NOTCH2: variants seen among roughly 807,000 people sequenced by gnomAD.
NOTCH2 encodes notch receptor 2, also known as neurogenic locus notch homolog protein 2.
NOTCH2 carries 29 observed loss-of-function variants against 235.8 expected under a neutral mutation model. The observed-to-expected ratio is 0.12, with a 90% confidence interval of 0.09 to 0.17. The LOEUF is 0.17. Among genes scored for constraint, NOTCH2 ranks in the 10% least tolerant of loss-of-function variants. NOTCH2 has a pLI of 1.00. For missense variants in NOTCH2, 2,285 were observed against 3,150.2 expected (o/e 0.73, Z 6.57); for synonymous variants, 1,086 against 1,141.5 (o/e 0.95, Z 0.98).
chr1:119,922,607 C>G (rs377465654), intron 27 of NOTCH2, 29 bp downstream of exon 27: 3 of 1,613,610 alleles, frequency 1.9e-6, no homozygotes, highest in Admixed American at 1.7e-5. Context: ...TCCCCCGCCA[C>G]CTTTCCCCTT....
chr1:119,981,016 CT>C (rs1651792715), intron 5 of NOTCH2, among the ~76,000 whole-genome samples: 2 of 152,144 alleles, frequency 1.3e-5, no homozygotes, highest in African/African-American at 4.8e-5. Flanking sequence ...GTTCTTATCA[CT>C]CCATCCAATT....
rs1553200154 is a variant in NOTCH2, at chr1:119,969,752, G to A, written c.875-8C>T. 1.9e-6 allele frequency: 3 copies of A among 1,613,108 alleles called. No individual in the cohort carries two copies. Among genetic ancestry groups the A allele is most frequent in the Non-Finnish European group, 2.5e-6 (3 of 1,179,200 alleles). ...CCTCTGTGCAGAACTGTCCTTTTAG[G>A]GGGAAATTACTTTTGATTAGGGCTC... On this transcript the variant is annotated splice_polypyrimidine_tract_variant and splice_region_variant and intron_variant, in intron 5 of 33. Coordinates refer to ENST00000256646, the MANE Select transcript of NOTCH2 (RefSeq NM_024408.4).
At chr1:119,934,282 A>G (rs1449730151) in intron 22 of NOTCH2, among the ~76,000 whole-genome samples, 1 of 152,216 alleles carries the variant, frequency 6.6e-6, no homozygotes, top group Non-Finnish European at 1.5e-5. Flanking sequence ...TGCTTCCTGT[A>G]CAGCCTATAG....
chr1:119,983,890 T>C (rs1368219846), intron 5 of NOTCH2, among the ~76,000 whole-genome samples: 2 of 152,210 alleles, frequency 1.3e-5, no homozygotes, highest in Non-Finnish European at 2.9e-5. Context: ...TTAATGCCTA[T>C]CTTTTTTCAG....
intron 5 of NOTCH2, among the ~76,000 whole-genome samples, chr1:119,981,901 T>C (rs1237745766): frequency 3.3e-5 from 5 of 151,594 alleles, no homozygotes; most frequent in African/African-American, 1.2e-4. Context: ...TATAATTAAG[T>C]AGTATTCTCT....
chr1:119,962,917 C>A lies in NOTCH2; in HGVS notation c.1915+657G>T, dbSNP rs149519875. Among the ~76,000 whole-genome samples, 167 of 152,294 alleles carry A rather than the reference C, an allele frequency of 1.1e-3. 3 individuals carry two copies. In the East Asian group the frequency reaches 0.028, roughly 25 times the overall value. ...AATTCCACATCCCCCCAGAAAGGAG[C>A]AGCATGTCCTCACGACCAACAAGGA... On this transcript the variant is annotated intron_variant, in intron 11 of 33. Transcript: ENST00000256646.
At chr1:120,035,181 GC>G (rs1654260985) in intron 1 of NOTCH2, among the ~76,000 whole-genome samples, 1 of 150,490 alleles carries the variant, frequency 6.6e-6, no homozygotes, top group Non-Finnish European at 1.5e-5. Context: ...TATTCTAACC[GC>G]ATCTAACCTT....
rs2101161876 is a variant in NOTCH2, at chr1:119,925,418, G to A, written c.4398C>T (p.Cys1466=). 3.7e-6 allele frequency: 6 copies of A among 1,614,190 alleles called. No homozygotes were observed. In the South Asian group the frequency reaches 5.5e-5, roughly 15 times the overall value. ...AATCCCAGCAGGGAAGTGGGGAGGA[G>A]CAGTTGGCCCAGGGGTTCTCCATGG... The part of the protein sequence containing the change: ...SLTMENPWAN[C]SSPLPCWDYI... Residue 1466 remains cysteine (C), a synonymous_variant, in exon 25 of 34, where the codon TGC becomes TGT. Coordinates refer to ENST00000256646, the MANE Select transcript of NOTCH2 (RefSeq NM_024408.4).
chr1:119,987,392 A>G (rs1451103816), intron 4 of NOTCH2, among the ~76,000 whole-genome samples: 1 of 152,208 alleles, frequency 6.6e-6, no homozygotes, highest in Non-Finnish European at 1.5e-5. Flanking sequence ...GAGATATTCA[A>G]GGGTTCTAAA....
At chr1:120,014,063 T>A (rs1653320477) in intron 2 of NOTCH2, among the ~76,000 whole-genome samples, 1 of 149,728 alleles carries the variant, frequency 6.7e-6, no homozygotes, top group East Asian at 1.9e-4. Context: ...TGTAGGGAGT[T>A]TATTAATTAT....
intron 6 of NOTCH2, among the ~76,000 whole-genome samples, chr1:119,968,842 A>G (rs1250269701): frequency 6.6e-6 from 1 of 152,222 alleles, no homozygotes; most frequent in Non-Finnish European, 1.5e-5. Flanking sequence ...AATTAACTTA[A>G]GAAGAGGTAA....
At position 119,937,325 on chromosome 1, in the gene NOTCH2, T is replaced by G; in HGVS notation, c.3479A>C (p.His1160Pro). ...AATGAAGTCACTGCATGTTGCCCCG[T>G]GCTGGCAGGGGTTGGACGCACACTC... ...LDECASNPCQ[H>P]GATCSDFIGG... The change falls in exon 21 of 34, where the codon CAC becomes CCC. Residue 1160 changes from histidine to proline, a missense_variant. Transcript: ENST00000256646. 6.2e-7 allele frequency: 1 copy of G among 1,614,020 alleles called. No individual in the cohort carries two copies. The highest frequency in any genetic ancestry group is 8.5e-7 in the Non-Finnish European group (1 of 1,180,032).
chr1:119,975,474 C>T (rs1345867455), intron 5 of NOTCH2, among the ~76,000 whole-genome samples: 6 of 151,952 alleles, frequency 3.9e-5, no homozygotes, highest in African/African-American at 9.7e-5. Flanking sequence ...GGTGAAACCC[C>T]GTCTTTACTA....
rs782129871 is a variant in NOTCH2 at position 119,966,388 on chromosome 1, G to A, written c.1555C>T (p.Leu519=). The A allele has an allele frequency of 1.2e-6, 2 of 1,613,030 alleles. No individual in the cohort carries two copies. The highest frequency in any genetic ancestry group is 1.7e-6 in the Non-Finnish European group (2 of 1,179,060). The part of the protein sequence containing the change: ...CVDKVNRFQC[L]CPPGFTGPVC... ...CGTGGGCACTTACCAGGAGGACACA[G>A]GCACTGGAAACGATTGACTTTATCC... The change falls in exon 9 of 34, where the codon CTG becomes TTG. Residue 519 remains leucine (L), a synonymous_variant. Coordinates refer to ENST00000256646, the MANE Select transcript of NOTCH2 (RefSeq NM_024408.4).
intron 2 of NOTCH2, among the ~76,000 whole-genome samples, chr1:120,006,904 G>A (rs1652999307): frequency 6.6e-6 from 1 of 152,170 alleles, no homozygotes; most frequent in Admixed American, 6.5e-5. Context: ...GCTAGCAGGG[G>A]TCACAGTTAC....
Position 119,987,095 on chromosome 1 carries a change from GAACAA to G in NOTCH2, c.752-18_752-14del. The G allele has an allele frequency of 2.5e-6, 4 of 1,612,376 alleles. No homozygotes were observed. Among genetic ancestry groups the G allele is most frequent in the Non-Finnish European group, 3.4e-6 (4 of 1,179,074 alleles). On this transcript the variant is annotated splice_polypyrimidine_tract_variant and intron_variant, in intron 4 of 33. Coordinates refer to ENST00000256646, the MANE Select transcript of NOTCH2 (RefSeq NM_024408.4). ...CTCCCTTCAAAACCTGGTAAATGAA[GAACAA>G]ATGAAAATGATGAAATCTCATACAG...
At chr1:119,948,076 C>G (rs1029520898) in intron 17 of NOTCH2, among the ~76,000 whole-genome samples, 6 of 152,146 alleles carry the variant, frequency 3.9e-5, no homozygotes, top group Non-Finnish European at 1.5e-5. Context: ...TACTATATGT[C>G]AAAATGTGCC....
At chr1:120,065,688 C>T (rs1240846845) in intron 1 of NOTCH2, among the ~76,000 whole-genome samples, 1 of 151,994 alleles carries the variant, frequency 6.6e-6, no homozygotes, top group African/African-American at 2.4e-5. Context: ...GTTCAGTGAT[C>T]TGTCCAAAAT....
chr1:119,962,942 A>T (rs974254156), intron 11 of NOTCH2, among the ~76,000 whole-genome samples: 1 of 152,208 alleles, frequency 6.6e-6, no homozygotes, highest in Non-Finnish European at 1.5e-5. Flanking sequence ...ACCAACAAGG[A>T]GTCATTCAAC....
Sources: allele counts gnomAD v4.1 joint callset (sites outside exome capture counted in the v4.1 genomes callset), GRCh38; gene constraint gnomAD v4.1.1; transcripts MANE v1.5; gene names NCBI Gene and HGNC (gene_info 2026-07-23, HGNC 2026-07-21).